Variants in CRB3 observed in about 807,000 individuals in gnomAD.
CRB3 encodes crumbs cell polarity complex component 3.
Under a neutral mutation model 10.4 loss-of-function variants are expected in CRB3, and 4 were observed. The ratio of observed to expected loss-of-function variants is 0.39; its 90% CI spans 0.19 to 0.88. The LOEUF (loss-of-function observed/expected upper bound fraction) is 0.88. Ranked by LOEUF, CRB3 falls within the 40% of genes least tolerant of loss-of-function variation. The pLI, the probability that CRB3 is intolerant of heterozygous loss-of-function variation, is 0.39. For synonymous variants in CRB3, 74 were observed against 73.4 expected (o/e 1.01, Z -0.04); for missense variants, 154 against 160.2 (o/e 0.96, Z 0.21).
chr19:6,466,600 C>T lies in CRB3; in HGVS notation c.291C>T (p.Ser97=), dbSNP rs372814412. The change falls in exon 4 of 4, where the codon AGC becomes AGT. Residue 97 remains serine, a synonymous_variant. Coordinates refer to ENST00000600229, the MANE Select transcript of CRB3 (RefSeq NM_139161.5). The surrounding 1 kb of genome is among the most constrained non-coding windows in gnomAD (Gnocchi z 4.9). ...CGGAGGGCACCTACCGGCCCAGTAGCGAGGAGCAGGTGGGTGCCCGCGTGC... is the reference window on the plus strand; with the variant it reads ...CGGAGGGCACCTACCGGCCCAGTAGTGAGGAGCAGGTGGGTGCCCGCGTGC... ...RQTEGTYRPS[S]EEQVGARVPP... The T allele has an allele frequency of 1.6e-5, 25 of 1,607,506 alleles. No homozygotes were observed. The highest frequency in any genetic ancestry group is 5.3e-5 in the African/African-American group (4 of 74,924).
Position 6,465,726 on chromosome 19 carries a change from TC to T in CRB3, c.156+109del, listed in dbSNP as rs1331025953. On this transcript the variant is annotated intron_variant, in intron 3 of 3. Transcript: ENST00000600229. Reference sequence around the variant, plus strand: ...ACCCCCTCCCCCCAGAGGTGGCAGGTCAGGGTGGCTTTGGAGAGCTCTAAGT... The same window carrying T: ...ACCCCCTCCCCCCAGAGGTGGCAGGTAGGGTGGCTTTGGAGAGCTCTAAGT... 30 of 992,172 alleles carry T rather than the reference TC, an allele frequency of 3.0e-5. No individual in the cohort carries two copies. The East Asian group carries it at 6.2e-4, about 20-fold the overall frequency. 61.5% of individuals were successfully genotyped at this position (992,172 alleles called of 1,614,324 possible).
chr19:6,466,739 C>T lies in CRB3; in HGVS notation c.*67C>T. 3.8e-6 allele frequency: 6 copies of T among 1,559,204 alleles called. No individual in the cohort carries two copies. The highest frequency in any genetic ancestry group is 2.3e-5 in the East Asian group (1 of 42,946). ...CGGGTTGCTGGCTTGTACACCGCAG[C>T]TGCCACCGAGACACCAGCCTCTGAT... is the stretch of plus-strand genomic sequence containing the variant. On this transcript the variant is annotated 3_prime_UTR_variant, in exon 4 of 4. Transcript: ENST00000600229. This position sits in a 1 kb window ranked among gnomAD's most constrained non-coding sequence, Gnocchi z 4.9.
At chr19:6,465,215 G>A in intron 2 of CRB3, 1 of 350,144 alleles carries the variant, frequency 2.9e-6, no homozygotes, top group East Asian at 5.1e-5. Flanking sequence ...GGAGCCTGTG[G>A]GGAGGTGTGA....
rs1460965923 is a variant in CRB3 at position 6,466,843 on chromosome 19, G to A, written c.*171G>A. 6.5e-5 allele frequency: 102 copies of A among 1,560,460 alleles called. No homozygotes were observed. Among genetic ancestry groups the A allele is most frequent in the Non-Finnish European group, 8.8e-5 (101 of 1,151,446 alleles). On this transcript the variant is annotated 3_prime_UTR_variant, in exon 4 of 4. Transcript: ENST00000600229. The surrounding 1 kb of genome is among the most constrained non-coding windows in gnomAD (Gnocchi z 4.9). ...TGCAGCATGTTGCCTCTGCTTGGCT[G>A]TGCCTGCAGCTCAGGGTGCTGGGGC... is the stretch of plus-strand genomic sequence containing the variant.
chr19:6,465,564 T>A lies in CRB3; in HGVS notation c.102T>A (p.Asn34Lys). ...AWGQIQTTSANENSTVLPSST... is the reference protein window; with the variant it reads ...AWGQIQTTSAKENSTVLPSST... Reference sequence around the variant, plus strand: ...CCACAGTACAGACCACTTCTGCAAATGAGAATAGCACTGTTTTGCCTTCAT... The same window carrying A: ...CCACAGTACAGACCACTTCTGCAAAAGAGAATAGCACTGTTTTGCCTTCAT... Residue 34 changes from asparagine (N) to lysine (K), a missense_variant, in exon 3 of 4, where the codon AAT becomes AAA. Transcript: ENST00000600229. The A allele has an allele frequency of 6.2e-7, 1 of 1,613,514 alleles. No individual in the cohort carries two copies. The highest frequency in any genetic ancestry group is 1.1e-5 in the South Asian group (1 of 91,084).
rs192373147 is a variant in CRB3 at position 6,466,018 on chromosome 19, G to A, written c.156+400G>A. Among the ~76,000 whole-genome samples, 2 of 152,194 alleles carry A rather than the reference G, an allele frequency of 1.3e-5. No individual in the cohort carries two copies. The highest frequency in any genetic ancestry group is 1.3e-4 in the Admixed American group (2 of 15,288). ...GTTTGAAACCAGCACGGCCAACATG[G>A]TGAAACCCTGTCTCTACTAAAAATA... On this transcript the variant is annotated intron_variant, in intron 3 of 3. Coordinates refer to ENST00000600229, the MANE Select transcript of CRB3 (RefSeq NM_139161.5). The surrounding 1 kb of genome is among the most constrained non-coding windows in gnomAD (Gnocchi z 4.9).
rs1331127222 is a variant in CRB3 at position 6,467,165 on chromosome 19, G to C, written c.*493G>C. On this transcript the variant is annotated 3_prime_UTR_variant, in exon 4 of 4. Transcript: ENST00000600229. ...GACTCTGCCCCTGAGGTCAAGAGAG[G>C]ATGGGGCTATTCACTTTTATATATT... The C allele has an allele frequency of 3.0e-6, 2 of 668,280 alleles. No homozygotes were observed. Among genetic ancestry groups the C allele is most frequent in the Non-Finnish European group, 5.0e-6 (2 of 397,662 alleles). 41.4% of individuals were successfully genotyped at this position (668,280 alleles called of 1,614,324 possible). A position where few individuals can be genotyped will look rare whatever the true frequency, so the allele number is the denominator to read the frequency against.
rs141004533 is a variant in CRB3, at chr19:6,466,359, G to T, written c.157-107G>T. 3.3e-6 allele frequency: 2 copies of T among 611,284 alleles called. No individual in the cohort carries two copies. Among genetic ancestry groups the T allele is most frequent in the African/African-American group, 1.9e-5 (1 of 53,364 alleles). The allele number at this position is 611,284 out of a possible 1,614,324, so 37.9% of individuals were successfully genotyped here. A position where few individuals can be genotyped will look rare whatever the true frequency, so the allele number is the denominator to read the frequency against. On this transcript the variant is annotated intron_variant, in intron 3 of 3. Coordinates refer to ENST00000600229, the MANE Select transcript of CRB3 (RefSeq NM_139161.5). This position sits in a 1 kb window ranked among gnomAD's most constrained non-coding sequence, Gnocchi z 4.9. ...CACCAAAAGTGGCAGATGTGTGTAT[G>T]TGTGTGTGTGTGTTGTGGGGTAGGG...
At chr19:6,465,892 G>C (rs563983364) in intron 3 of CRB3, among the ~76,000 whole-genome samples, 2 of 152,006 alleles carry the variant, frequency 1.3e-5, no homozygotes, top group African/African-American at 2.4e-5. Context: ...GCTCAGACTT[G>C]GTAGATGTGA....
upstream of CRB3, chr19:6,463,830 C>G (rs1218757271): frequency 6.6e-6 from 1 of 152,126 alleles, no homozygotes. Context: ...GTTGCCCAGG[C>G]TGGTCTCGGA....
chr19:6,465,544 G>A lies in CRB3; in HGVS notation c.83-1G>A. 1 of 1,613,608 alleles carries A rather than the reference G, an allele frequency of 6.2e-7. No homozygotes were observed. The highest frequency in any genetic ancestry group is 8.5e-7 in the Non-Finnish European group (1 of 1,179,514). Reference sequence around the variant, plus strand: ...TTATTCTCTGCCTTCACCCTCCACAGTACAGACCACTTCTGCAAATGAGAA... The same window carrying A: ...TTATTCTCTGCCTTCACCCTCCACAATACAGACCACTTCTGCAAATGAGAA... On this transcript the variant is annotated splice_acceptor_variant, in intron 2 of 3. Transcript: ENST00000600229. LOFTEE classifies it high-confidence loss of function.
chr19:6,467,138 A>G lies in CRB3; in HGVS notation c.*466A>G, dbSNP rs540311447. The G allele has an allele frequency of 1.2e-5, 11 of 890,384 alleles. No individual in the cohort carries two copies. Among genetic ancestry groups the G allele is most frequent in the African/African-American group, 1.2e-4 (7 of 60,252 alleles). The allele number at this position is 890,384 out of a possible 1,614,324, so 55.2% of individuals were successfully genotyped here. A position where few individuals can be genotyped will look rare whatever the true frequency, so the allele number is the denominator to read the frequency against. On this transcript the variant is annotated 3_prime_UTR_variant, in exon 4 of 4. Transcript: ENST00000600229. ...TAATAGCAGGGAAGAAGGTACTTCAAAGACTCTGCCCCTGAGGTCAAGAGA... is the reference window on the plus strand; with the variant it reads ...TAATAGCAGGGAAGAAGGTACTTCAGAGACTCTGCCCCTGAGGTCAAGAGA...
In CRB3 at chr19:6,464,837, G is replaced by C; in HGVS notation, c.82+54G>C. ...GAGGGGTCTGGATTCCTGGATCTCT[G>C]CTGGGGACGTGGCTTAGAAGCGCTG... On this transcript the variant is annotated intron_variant, in intron 2 of 3. Transcript: ENST00000600229. The surrounding 1 kb of genome is among the most constrained non-coding windows in gnomAD (Gnocchi z 5.3). The C allele has an allele frequency of 9.1e-7, 1 of 1,099,084 alleles. No homozygotes were observed. The highest frequency in any genetic ancestry group is 1.2e-6 in the Non-Finnish European group (1 of 863,540). 68.1% of individuals were successfully genotyped at this position (1,099,084 alleles called of 1,614,324 possible).
At position 6,465,567 on chromosome 19, in the gene CRB3, G is replaced by A. The variant is rs1405545011; in HGVS notation, c.105G>A (p.Glu35=). 6.2e-7 allele frequency: 1 copy of A among 1,614,082 alleles called. No individual in the cohort carries two copies. The highest frequency in any genetic ancestry group is 8.5e-7 in the Non-Finnish European group (1 of 1,179,944). Residue 35 remains glutamate (E), a synonymous_variant, in exon 3 of 4, where the codon GAG becomes GAA. Transcript: ENST00000600229. ...CAGTACAGACCACTTCTGCAAATGAGAATAGCACTGTTTTGCCTTCATCCA... is the reference window on the plus strand; with the variant it reads ...CAGTACAGACCACTTCTGCAAATGAAAATAGCACTGTTTTGCCTTCATCCA... ...WGQIQTTSAN[E]NSTVLPSSTS...
intron 3 of CRB3, 51 bp downstream of exon 3, chr19:6,465,669 G>A (rs777629723): frequency 6.9e-7 from 1 of 1,449,222 alleles, no homozygotes; most frequent in Non-Finnish European, 9.7e-7. Context: ...TTATCTAGGG[G>A]TCACACATAT....
Position 6,464,455 on chromosome 19 carries a change from G to T in CRB3, c.-95+105G>T, listed in dbSNP as rs1012593013. On this transcript the variant is annotated intron_variant, in intron 1 of 3. Transcript: ENST00000600229. This position sits in a 1 kb window ranked among gnomAD's most constrained non-coding sequence, Gnocchi z 5.3. ...CTTCCTTTCCCCAGCCCAGGAACGC[G>T]CTCCTGGGAGTTAATCTTTAATCGC... The T allele has an allele frequency of 5.4e-6, 2 of 371,370 alleles. No individual in the cohort carries two copies. Among genetic ancestry groups the T allele is most frequent in the African/African-American group, 2.1e-5 (1 of 47,920 alleles). 23.0% of individuals were successfully genotyped at this position (371,370 alleles called of 1,614,324 possible). A position where few individuals can be genotyped will look rare whatever the true frequency, so the allele number is the denominator to read the frequency against.
Position 6,464,712 on chromosome 19 carries a change from C to G in CRB3, c.11C>G (p.Pro4Arg). 8.0e-7 allele frequency: 1 copy of G among 1,242,266 alleles called. No homozygotes were observed. The highest frequency in any genetic ancestry group is 1.0e-6 in the Non-Finnish European group (1 of 992,434). 77.0% of individuals were successfully genotyped at this position (1,242,266 alleles called of 1,614,324 possible). The part of the protein sequence containing the change: MAN[P>R]GLGLLLALGL... Reference sequence around the variant, plus strand: ...CCCGCCACCCAGCCCATGGCGAACCCCGGGCTGGGGCTGCTTCTGGCGCTG... The same window carrying G: ...CCCGCCACCCAGCCCATGGCGAACCGCGGGCTGGGGCTGCTTCTGGCGCTG... Residue 4 changes from proline to arginine, a missense_variant, in exon 2 of 4, where the codon CCC becomes CGC. Physicochemically the swap from Pro to Arg is moderately radical, Grantham distance 103. Transcript: ENST00000600229. The surrounding 1 kb of genome is among the most constrained non-coding windows in gnomAD (Gnocchi z 5.3).
Position 6,466,743 on chromosome 19 carries a change from CACCGAGACACCAGCCTCTG to C in CRB3, c.*73_*91del. 5 of 1,555,534 alleles carry C rather than the reference CACCGAGACACCAGCCTCTG, an allele frequency of 3.2e-6. No homozygotes were observed. The highest frequency in any genetic ancestry group is 4.3e-6 in the Non-Finnish European group (5 of 1,155,474). ...TTGCTGGCTTGTACACCGCAGCTGCCACCGAGACACCAGCCTCTGATGGCTCAGGAGGACTTGTGGGGAG... is the reference window on the plus strand; with the variant it reads ...TTGCTGGCTTGTACACCGCAGCTGCCATGGCTCAGGAGGACTTGTGGGGAG... On this transcript the variant is annotated 3_prime_UTR_variant, in exon 4 of 4. Transcript: ENST00000600229. The surrounding 1 kb of genome is among the most constrained non-coding windows in gnomAD (Gnocchi z 4.9).
Position 6,466,818 on chromosome 19 carries a change from T to C in CRB3, c.*146T>C. The C allele has an allele frequency of 1.3e-6, 2 of 1,557,158 alleles. No homozygotes were observed. The highest frequency in any genetic ancestry group is 8.7e-7 in the Non-Finnish European group (1 of 1,150,828). ...GGGGGCACCCATGTGGTGGGCTCTG[T>C]GCAGCATGTTGCCTCTGCTTGGCTG... is the stretch of plus-strand genomic sequence containing the variant. On this transcript the variant is annotated 3_prime_UTR_variant, in exon 4 of 4. Transcript: ENST00000600229. The surrounding 1 kb of genome is among the most constrained non-coding windows in gnomAD (Gnocchi z 4.9).
Sources: gnomAD v4.1 joint callset for allele counts (sites outside exome capture counted in the v4.1 genomes callset) on GRCh38, gnomAD v4.1.1 for gene constraint, Gnocchi (gnomAD v3.1) non-coding constraint, MANE v1.5 for transcripts, NCBI Gene and HGNC (gene_info 2026-07-23, HGNC 2026-07-21) for gene names.